Variants in TAF5 observed in about 807,000 individuals in gnomAD.
The protein encoded by TAF5 is TATA-box binding protein associated factor 5, also known as transcription initiation factor TFIID subunit 5.
In TAF5, 20 loss-of-function variants were observed where a neutral mutation model predicts 80.9. That is an observed-to-expected ratio of 0.25 (90% CI 0.17 to 0.36). The LOEUF is 0.36. TAF5 is among the 10% of genes least tolerant of loss of function. The pLI is 1.00. For synonymous variants in TAF5, 388 were observed against 406.4 expected (o/e 0.95, Z 0.55); for missense variants, 863 against 1,029.4 (o/e 0.84, Z 2.21).
At chr10:103,370,399 C>T (rs576197565) in intron 1 of TAF5, among the ~76,000 whole-genome samples, 1 of 134,524 alleles carries the variant, frequency 7.4e-6, no homozygotes, top group African/African-American at 2.8e-5. Context: ...GATCTTGGCT[C>T]ACTGCAACCT....
rs1480712424 is a variant in TAF5, at chr10:103,368,074, G to A, written c.85G>A (p.Gly29Arg). 1 of 1,431,742 alleles carries A rather than the reference G, an allele frequency of 7.0e-7. No individual in the cohort carries two copies. The highest frequency in any genetic ancestry group is 9.1e-7 in the Non-Finnish European group (1 of 1,094,416). The allele number at this position is 1,431,742 out of a possible 1,614,324, so 88.7% of individuals were successfully genotyped here. ...GCCAACGCTGCTACCTCCGCAGGCG[G>A]GGGACGGCGCAGGCGAGGGTAGCGG... Reference protein sequence around the residue: ...GPPTLLPPQAGDGAGEGSGGT... With the variant: ...GPPTLLPPQARDGAGEGSGGT... Residue 29 changes from glycine (G) to arginine (R), a missense_variant, in exon 1 of 11, where the codon GGG becomes AGG. Transcript: ENST00000369839.
intron 9 of TAF5, 49 bp downstream of exon 9, chr10:103,387,401 A>C (rs765598194): frequency 1.3e-6 from 2 of 1,560,982 alleles, no homozygotes; most frequent in South Asian, 2.4e-5. Flanking sequence ...TTTCAAAATA[A>C]AAATATTTTT....
rs1317264456 is a variant in TAF5, at chr10:103,387,860, A to AT, written c.2186-145dup. 13 of 1,073,132 alleles carry AT rather than the reference A, an allele frequency of 1.2e-5. No homozygotes were observed. In the East Asian group the frequency reaches 3.1e-4, roughly 26 times the overall value. 66.5% of individuals were successfully genotyped at this position (1,073,132 alleles called of 1,614,324 possible). A position where few individuals can be genotyped will look rare whatever the true frequency, so the allele number is the denominator to read the frequency against. ...ACTTCTCAGGTTAAAGTACTGCTTG[A>AT]TAATGCTCCTTAGGAAGGAATAGAG... On this transcript the variant is annotated intron_variant, in intron 10 of 10. Transcript: ENST00000369839.
In TAF5 at chr10:103,381,859, T is replaced by C. The variant is rs762583121; in HGVS notation, c.1534+18T>C. 6.2e-7 allele frequency: 1 copy of C among 1,614,148 alleles called. No homozygotes were observed. Among genetic ancestry groups the C allele is most frequent in the Non-Finnish European group, 8.5e-7 (1 of 1,180,000 alleles). Reference sequence around the variant, plus strand: ...AGCATCAGGTAACTGAGATGACCTTTTGGAATGTGAACTTGCCATTAGTCT... The same window carrying C: ...AGCATCAGGTAACTGAGATGACCTTCTGGAATGTGAACTTGCCATTAGTCT... On this transcript the variant is annotated intron_variant, in intron 6 of 10. Coordinates refer to ENST00000369839, the MANE Select transcript of TAF5 (RefSeq NM_006951.5).
chr10:103,388,172 T>C lies in TAF5; in HGVS notation c.2352T>C (p.His784=), dbSNP rs112312319. ...AATCAACACCAGTTGTACACCTTCATTTTACTCGAAGAAACCTGGTTCTAG... is the reference window on the plus strand; with the variant it reads ...AATCAACACCAGTTGTACACCTTCACTTTACTCGAAGAAACCTGGTTCTAG... ...MTKSTPVVHL[H]FTRRNLVLAA... is the part of the protein sequence containing the mutation. Residue 784 remains histidine (H), a synonymous_variant, in exon 11 of 11, where the codon CAT becomes CAC. Coordinates refer to ENST00000369839, the MANE Select transcript of TAF5 (RefSeq NM_006951.5). 1,237 of 1,614,036 alleles carry C rather than the reference T, an allele frequency of 7.7e-4. 6 individuals are homozygous for C. In the African/African-American group the frequency reaches 0.014, roughly 18 times the overall value.
intron 7 of TAF5, among the ~76,000 whole-genome samples, chr10:103,384,448 T>G (rs1052032131): frequency 6.6e-6 from 1 of 152,104 alleles, no homozygotes; most frequent in Non-Finnish European, 1.5e-5. Flanking sequence ...CTGGCCAACA[T>G]GGGAAATCCT....
At chr10:103,384,218 G>A (rs1592095451) in intron 7 of TAF5, among the ~76,000 whole-genome samples, 2 of 152,180 alleles carry the variant, frequency 1.3e-5, no homozygotes, top group African/African-American at 2.4e-5. Flanking sequence ...TTAGGTGTAT[G>A]ATTACAATGT....
chr10:103,368,668 G>A, intron 1 of TAF5, 120 bp downstream of exon 1: 1 of 1,294,052 alleles, frequency 7.7e-7, no homozygotes, highest in Non-Finnish European at 1.0e-6. Flanking sequence ...CCGCCTCTAG[G>A]GCCACATGCC....
chr10:103,375,320 A>G (rs1315725320), intron 2 of TAF5, among the ~76,000 whole-genome samples: 2 of 152,128 alleles, frequency 1.3e-5, no homozygotes, highest in African/African-American at 4.8e-5. Flanking sequence ...GAAGAGAAGT[A>G]GACAAAGTCA....
At chr10:103,370,798 A>G (rs955553803) in intron 1 of TAF5, among the ~76,000 whole-genome samples, 1 of 152,258 alleles carries the variant, frequency 6.6e-6, no homozygotes, top group Non-Finnish European at 1.5e-5. Flanking sequence ...CTGAGCTAAC[A>G]ATAAATGTTT....
chr10:103,389,042 C>A lies in TAF5; in HGVS notation c.*819C>A, dbSNP rs2093405153. On this transcript the variant is annotated 3_prime_UTR_variant, in exon 11 of 11. Transcript: ENST00000369839. ...ATTTTTGATATCTTGTAAATAAAGA[C>A]AACCAGCTTTTCCAGGTTCATAATT... 1 of 152,630 alleles carries A rather than the reference C, an allele frequency of 6.6e-6. No individual in the cohort carries two copies. The highest frequency in any genetic ancestry group is 6.5e-5 in the Admixed American group (1 of 15,274). The allele number at this position is 152,630 out of a possible 1,614,324, so 9.5% of individuals were successfully genotyped here.
chr10:103,381,660 T>C, intron 5 of TAF5, 61 bp from the exon 6 acceptor site: 2 of 1,566,150 alleles, frequency 1.3e-6, no homozygotes, highest in Non-Finnish European at 1.8e-6. Context: ...TGATTAACAT[T>C]TGCTTCCTAT....
In TAF5 at chr10:103,374,549, T is replaced by G. The variant is rs1425203282; in HGVS notation, c.797+954T>G. 6.6e-6 allele frequency among the ~76,000 whole-genome samples: 1 copy of G among 152,220 alleles called. No individual in the cohort carries two copies. The highest frequency in any genetic ancestry group is 2.4e-5 in the African/African-American group (1 of 41,464). ...ACAAGGGAAATAAGAAATGTAGTCT[T>G]TACCTAAGTGTCTATGTGCCCAGCT... On this transcript the variant is annotated intron_variant, in intron 2 of 10. Transcript: ENST00000369839. This position sits in a 1 kb window ranked among gnomAD's most constrained non-coding sequence, Gnocchi z 4.3.
intron 1 of TAF5, among the ~76,000 whole-genome samples, chr10:103,371,944 T>TC (rs2093360474): frequency 6.6e-6 from 1 of 151,744 alleles, no homozygotes; most frequent in African/African-American, 2.4e-5. Context: ...TGTTATTGTT[T>TC]TTTTTTTTTT....
chr10:103,377,475 G>A lies in TAF5; in HGVS notation c.798-760G>A, dbSNP rs527787254. ...TTTTAAAAATGTTTTTGCATTGATT[G>A]CTGTTTTTAGTGAATGCCAAATATA... On this transcript the variant is annotated intron_variant, in intron 2 of 10. Coordinates refer to ENST00000369839, the MANE Select transcript of TAF5 (RefSeq NM_006951.5). Among the ~76,000 whole-genome samples the A allele has an allele frequency of 1.2e-4, 19 of 152,284 alleles. No homozygotes were observed. The South Asian group carries it at 3.9e-3, about 32-fold the overall frequency.
intron 1 of TAF5, among the ~76,000 whole-genome samples, chr10:103,372,037 A>G (rs1416817284): frequency 6.6e-6 from 1 of 150,988 alleles, no homozygotes; most frequent in African/African-American, 2.4e-5. Context: ...CCTGGGTTCA[A>G]GTGATTCTCA....
rs770831191 is a variant in TAF5, at chr10:103,389,024, A to G, written c.*801A>G. On this transcript the variant is annotated 3_prime_UTR_variant, in exon 11 of 11. Coordinates refer to ENST00000369839, the MANE Select transcript of TAF5 (RefSeq NM_006951.5). ...ATTTTGTACAGTTTTTATATTTTTG[A>G]TATCTTGTAAATAAAGACAACCAGC... 6.6e-6 allele frequency: 1 copy of G among 152,602 alleles called. No homozygotes were observed. The highest frequency in any genetic ancestry group is 1.5e-5 in the Non-Finnish European group (1 of 68,036). 9.5% of individuals were successfully genotyped at this position (152,602 alleles called of 1,614,324 possible). A position where few individuals can be genotyped will look rare whatever the true frequency, so the allele number is the denominator to read the frequency against.
Position 103,378,161 on chromosome 10 carries a change from T to G in TAF5, c.798-74T>G. 1.5e-6 allele frequency: 2 copies of G among 1,334,256 alleles called. No individual in the cohort carries two copies. The highest frequency in any genetic ancestry group is 1.9e-4 in the Middle Eastern group (1 of 5,348). The allele number at this position is 1,334,256 out of a possible 1,614,324, so 82.7% of individuals were successfully genotyped here. On this transcript the variant is annotated intron_variant, in intron 2 of 10. Coordinates refer to ENST00000369839, the MANE Select transcript of TAF5 (RefSeq NM_006951.5). The surrounding 1 kb of genome is among the most constrained non-coding windows in gnomAD (Gnocchi z 4.1). The stretch of plus-strand genomic sequence containing the variant: ...ACATTGAAAATATTCTGGGATGGTT[T>G]ATAAGTATATGGGGGAAAGGCAGAT...
intron 7 of TAF5, 93 bp downstream of exon 7, chr10:103,383,460 A>G: frequency 8.0e-7 from 1 of 1,251,794 alleles, no homozygotes. Flanking sequence ...ATGCTGGGAA[A>G]ATTCTGATAA....
Sources: gnomAD v4.1 joint callset for allele counts (sites outside exome capture counted in the v4.1 genomes callset) on GRCh38, gnomAD v4.1.1 for gene constraint, Gnocchi (gnomAD v3.1) non-coding constraint, MANE v1.5 for transcripts, NCBI Gene and HGNC (gene_info 2026-07-23, HGNC 2026-07-21) for gene names.